The following SRGAP1 variants were observed in gnomAD, a reference collection of about 807,000 sequenced individuals.
The protein encoded by SRGAP1 is SLIT-ROBO Rho GTPase activating protein 1.
A neutral mutation model predicts 121.9 loss-of-function variants in SRGAP1; 43 were observed. The observed-to-expected ratio is 0.35, with a 90% CI of 0.28 to 0.46. The LOEUF (loss-of-function observed/expected upper bound fraction) is 0.46, where lower values mean the gene tolerates loss of function less well. SRGAP1 is among the 20% of genes least tolerant of loss of function. SRGAP1 has a pLI of 1.00. For missense variants in SRGAP1, 1,102 were observed against 1,350.9 expected (o/e 0.82, Z 2.89); for synonymous variants, 447 against 485.4 (o/e 0.92, Z 1.04).
At chr12:63,942,060 A>T (rs2031886613) in intron 1 of SRGAP1, among the ~76,000 whole-genome samples, 1 of 152,118 alleles carries the variant, frequency 6.6e-6, no homozygotes, top group African/African-American at 2.4e-5. Flanking sequence ...GAAGAACCTA[A>T]CATTCTGTGC....
At chr12:64,038,046 G>A (rs1159070410) in intron 4 of SRGAP1, among the ~76,000 whole-genome samples, 3 of 152,136 alleles carry the variant, frequency 2.0e-5, no homozygotes, top group Admixed American at 2.0e-4. Flanking sequence ...AAGCCAGGCT[G>A]TCTGGGTTCC....
intron 1 of SRGAP1, among the ~76,000 whole-genome samples, chr12:63,971,891 A>C (rs1218731221): frequency 2.0e-5 from 3 of 152,162 alleles, no homozygotes; most frequent in Admixed American, 6.5e-5. Flanking sequence ...TTCAGTTGTA[A>C]AATGGATGTT....
At chr12:64,060,519 T>C (rs1022795589) in intron 6 of SRGAP1, among the ~76,000 whole-genome samples, 1 of 152,182 alleles carries the variant, frequency 6.6e-6, no homozygotes, top group Non-Finnish European at 1.5e-5. Context: ...AGATCCAGCA[T>C]TTCTAACAAG....
intron 3 of SRGAP1, among the ~76,000 whole-genome samples, chr12:64,012,472 A>G (rs2034278340): frequency 6.8e-6 from 1 of 145,990 alleles, no homozygotes; most frequent in Non-Finnish European, 1.5e-5. Context: ...TAATACTTAT[A>G]TTATTTTTCT....
intron 1 of SRGAP1, among the ~76,000 whole-genome samples, chr12:63,913,480 T>TATATATATAG (rs2030629081): frequency 1.8e-5 from 2 of 108,622 alleles, no homozygotes; most frequent in Non-Finnish European, 3.8e-5. Context: ...TATATATGGA[T>TATATATATAG]ATATATATAT....
chr12:64,039,628 CGTGTGTGTGTGTGT>C (rs6144742), intron 4 of SRGAP1, among the ~76,000 whole-genome samples: 4 of 130,780 alleles, frequency 3.1e-5, no homozygotes, highest in African/African-American at 8.2e-5. Flanking sequence ...AGCTGAGCAA[CGTGTGTGTGTGTGT>C]GTGTGTGTGT....
intron 1 of SRGAP1, among the ~76,000 whole-genome samples, chr12:63,949,337 T>G (rs1439990474): frequency 2.0e-5 from 3 of 147,168 alleles, no homozygotes; most frequent in African/African-American, 4.9e-5. Flanking sequence ...AACTTGTTTT[T>G]TTTTTTTTTG....
intron 1 of SRGAP1, among the ~76,000 whole-genome samples, chr12:63,893,072 TA>T (rs1900640893): frequency 6.6e-6 from 1 of 152,184 alleles, no homozygotes; most frequent in South Asian, 2.1e-4. Context: ...GCGACATATC[TA>T]AGCTATTGCT....
At chr12:64,060,673 C>G (rs188666540) in intron 6 of SRGAP1, among the ~76,000 whole-genome samples, 1 of 152,216 alleles carries the variant, frequency 6.6e-6, no homozygotes, top group African/African-American at 2.4e-5. Context: ...TTGTAAGGAC[C>G]AACCTATTTA....
At chr12:64,006,771 TG>T (rs915707813) in intron 3 of SRGAP1, among the ~76,000 whole-genome samples, 3 of 151,998 alleles carry the variant, frequency 2.0e-5, no homozygotes, top group Non-Finnish European at 4.4e-5. Context: ...CAGTGTGTCC[TG>T]GGGGGGAAAA....
chr12:64,044,130 T>C (rs1229747928), intron 6 of SRGAP1, among the ~76,000 whole-genome samples: 1 of 152,178 alleles, frequency 6.6e-6, no homozygotes. Flanking sequence ...GGATATGATA[T>C]AAAAAAGCAG....
Position 64,126,104 on chromosome 12 carries a change from G to A in SRGAP1, c.2352G>A (p.Arg784=). ...HRASEDWWEG[R]HNGIDGLVPH... ...CATCTGAGGACTGGTGGGAAGGCAG[G>A]CACAACGGGATTGACGGGCTGGTGC... Residue 784 remains arginine (R), a synonymous_variant, in exon 19 of 22, where the codon AGG becomes AGA. Coordinates refer to ENST00000355086, the MANE Select transcript of SRGAP1 (RefSeq NM_020762.4). 1 of 1,614,196 alleles carries A rather than the reference G, an allele frequency of 6.2e-7. No individual in the cohort carries two copies. The highest frequency in any genetic ancestry group is 8.5e-7 in the Non-Finnish European group (1 of 1,180,020).
chr12:63,915,430 A>G (rs925742809), intron 1 of SRGAP1, among the ~76,000 whole-genome samples: 39 of 152,238 alleles, frequency 2.6e-4, no homozygotes, highest in African/African-American at 9.4e-4. Context: ...GAGGAACCAA[A>G]AGAATGGGGG....
chr12:63,992,808 T>C (rs188135521), intron 3 of SRGAP1, among the ~76,000 whole-genome samples: 35 of 152,274 alleles, frequency 2.3e-4, no homozygotes, highest in Non-Finnish European at 4.6e-4. Flanking sequence ...TTTCTGGTTC[T>C]CAAAGAATTT....
chr12:64,007,285 A>G (rs893114340), intron 3 of SRGAP1, among the ~76,000 whole-genome samples: 7 of 152,182 alleles, frequency 4.6e-5, no homozygotes, highest in African/African-American at 1.7e-4. Context: ...TCTAAGGGCA[A>G]GGGGATAGTT....
intron 18 of SRGAP1, among the ~76,000 whole-genome samples, chr12:64,123,727 T>G (rs370137572): frequency 2.2e-4 from 33 of 151,934 alleles, no homozygotes; most frequent in South Asian, 8.3e-4. Context: ...CAGACTGGTC[T>G]CCAACTCCTG....
intron 15 of SRGAP1, among the ~76,000 whole-genome samples, chr12:64,105,268 G>A (rs79811379): frequency 0.056 from 8,599 of 152,208 alleles, 377 homozygotes; most frequent in East Asian, 0.14. Context: ...GAATAATACT[G>A]CATTGTGTGT....
At chr12:63,968,194 G>A (rs1048821185) in intron 1 of SRGAP1, among the ~76,000 whole-genome samples, 2 of 152,126 alleles carry the variant, frequency 1.3e-5, no homozygotes, top group African/African-American at 2.4e-5. Flanking sequence ...TTATATTTAT[G>A]ACAAGGTATT....
intron 3 of SRGAP1, among the ~76,000 whole-genome samples, chr12:63,991,167 C>T (rs191312653): frequency 6.2e-4 from 95 of 152,318 alleles, no homozygotes; most frequent in African/African-American, 2.2e-3. Flanking sequence ...AGTTTTCCCC[C>T]ACTCTCTCAG....
Sources: allele counts gnomAD v4.1 joint callset (sites outside exome capture counted in the v4.1 genomes callset), GRCh38; gene constraint gnomAD v4.1.1; transcripts MANE v1.5; gene names NCBI Gene and HGNC (gene_info 2026-07-23, HGNC 2026-07-21).